Variants in GRAMD1C observed in about 807,000 individuals in gnomAD.
GRAMD1C encodes GRAM domain containing 1C.
A neutral mutation model predicts 97.8 loss-of-function variants in GRAMD1C; 89 were observed. That is an observed-to-expected ratio of 0.91 (90% CI 0.77 to 1.09). The LOEUF is 1.09. GRAMD1C is among the 50% of genes least tolerant of loss of function. GRAMD1C has a pLI of 0.00. For missense variants in GRAMD1C, 740 were observed against 766.4 expected (o/e 0.97, Z 0.41); for synonymous variants, 256 against 267.0 (o/e 0.96, Z 0.40).
At chr3:113,862,958 G>A (rs1480759581) in intron 2 of GRAMD1C, among the ~76,000 whole-genome samples, 2 of 152,156 alleles carry the variant, frequency 1.3e-5, no homozygotes, top group Non-Finnish European at 2.9e-5. Flanking sequence ...TGAGGATGTG[G>A]AGAAGTTAAA....
chr3:113,908,014 C>A (rs1372849190), intron 8 of GRAMD1C, among the ~76,000 whole-genome samples: 1 of 152,114 alleles, frequency 6.6e-6, no homozygotes, highest in East Asian at 1.9e-4. Context: ...GCAATATAAT[C>A]CTTTAATAAA....
chr3:113,942,329 A>ACCCT (rs1383296793), intron 17 of GRAMD1C, among the ~76,000 whole-genome samples: 10 of 151,674 alleles, frequency 6.6e-5, no homozygotes, highest in African/African-American at 2.4e-4. Flanking sequence ...CAAGATCTTC[A>ACCCT]CCCTCGTTTT....
intron 3 of GRAMD1C, among the ~76,000 whole-genome samples, chr3:113,870,252 G>A (rs1380029551): frequency 6.6e-6 from 1 of 151,838 alleles, no homozygotes. Flanking sequence ...AGTCCCAGCT[G>A]CTCAAGAGGC....
intron 3 of GRAMD1C, among the ~76,000 whole-genome samples, chr3:113,872,838 G>A (rs1172196305): frequency 3.3e-5 from 5 of 150,192 alleles, no homozygotes; most frequent in African/African-American, 4.9e-5. Context: ...TTGAGAGGCC[G>A]AGGCGGGCAG....
At chr3:113,872,505 G>A (rs1029636370) in intron 3 of GRAMD1C, among the ~76,000 whole-genome samples, 4 of 146,336 alleles carry the variant, frequency 2.7e-5, no homozygotes, top group African/African-American at 7.7e-5. Context: ...AGTGATTCTC[G>A]TGTCTCAGCC....
At chr3:113,861,810 G>T (rs1056189548) in intron 2 of GRAMD1C, among the ~76,000 whole-genome samples, 3 of 152,150 alleles carry the variant, frequency 2.0e-5, no homozygotes, top group Non-Finnish European at 2.9e-5. Flanking sequence ...TGGGGAACCT[G>T]CCCCCAGTAG....
intron 14 of GRAMD1C, among the ~76,000 whole-genome samples, chr3:113,937,113 T>G (rs1050669138): frequency 2.6e-5 from 4 of 152,234 alleles, no homozygotes; most frequent in African/African-American, 9.6e-5. Flanking sequence ...CCTTATATAC[T>G]GTCAGGGCCA....
intron 2 of GRAMD1C, among the ~76,000 whole-genome samples, chr3:113,865,815 G>T (rs748286307): frequency 6.6e-6 from 1 of 152,032 alleles, no homozygotes; most frequent in Non-Finnish European, 1.5e-5. Context: ...CTTCCAGGGA[G>T]GATTTTCATA....
At chr3:113,867,639 C>T (rs753023301) in intron 2 of GRAMD1C, among the ~76,000 whole-genome samples, 3 of 151,992 alleles carry the variant, frequency 2.0e-5, no homozygotes, top group Admixed American at 6.6e-5. Flanking sequence ...CTGTTCTCTC[C>T]ATTGTTAATG....
chr3:113,848,233 G>A (rs1933701987), intron 2 of GRAMD1C, among the ~76,000 whole-genome samples: 1 of 152,188 alleles, frequency 6.6e-6, no homozygotes, highest in South Asian at 2.1e-4. Context: ...TCTTGAGTAT[G>A]TTGCATAACC....
intron 3 of GRAMD1C, among the ~76,000 whole-genome samples, chr3:113,872,391 CTTTTTTTT>C (rs777339692): frequency 2.6e-5 from 3 of 117,440 alleles, no homozygotes; most frequent in African/African-American, 1.1e-4. Context: ...TCTTTTTTTT[CTTTTTTTT>C]TTTTTTTTTT....
At position 113,879,105 on chromosome 3, in the gene GRAMD1C, G is replaced by A. The variant is rs1032366377; in HGVS notation, c.459+2845G>A. ...CTGTAATCCCAGCTATTCAGGAGGCGGAGGCAAAAGAATCGCTTGAACCCG... is the reference window on the plus strand; with the variant it reads ...CTGTAATCCCAGCTATTCAGGAGGCAGAGGCAAAAGAATCGCTTGAACCCG... On this transcript the variant is annotated intron_variant, in intron 5 of 17. Transcript: ENST00000358160. Among the ~76,000 whole-genome samples, 9 of 151,988 alleles carry A rather than the reference G, an allele frequency of 5.9e-5. No homozygotes were observed. In the South Asian group the frequency reaches 6.2e-4, roughly 11 times the overall value.
Position 113,935,797 on chromosome 3 carries a change from A to G in GRAMD1C, c.1457-469A>G, listed in dbSNP as rs533535888. Among the ~76,000 whole-genome samples the G allele has an allele frequency of 1.1e-4, 16 of 152,306 alleles. No individual in the cohort carries two copies. In the East Asian group the frequency reaches 3.1e-3, roughly 29 times the overall value. ...CTGGCAGAGGAAAAGTTTGAAACAA[A>G]TGACAAAAATGAGGTTTATAGGTTG... On this transcript the variant is annotated intron_variant, in intron 13 of 17. Transcript: ENST00000358160.
chr3:113,932,850 C>T lies in GRAMD1C; in HGVS notation c.1210-661C>T, dbSNP rs571342275. On this transcript the variant is annotated intron_variant, in intron 11 of 17. Transcript: ENST00000358160. ...TCTCCCAAGTAGCTGGGACTACAGG[C>T]GTGTGCCACCAACCCCAACTAATAT... is the stretch of plus-strand genomic sequence containing the variant. 1.7e-4 allele frequency among the ~76,000 whole-genome samples: 25 copies of T among 151,326 alleles called. No individual in the cohort carries two copies. In the South Asian group the frequency reaches 1.7e-3, roughly 10 times the overall value.
At chr3:113,837,130 TTCTC>T (rs1201435336), upstream of GRAMD1C, among the ~76,000 whole-genome samples, 5 of 151,326 alleles carry the variant, frequency 3.3e-5, no homozygotes, top group African/African-American at 4.9e-5. Flanking sequence ...CTCTCTTTCT[TTCTC>T]TCTCTCTGTC....
intron 2 of GRAMD1C, among the ~76,000 whole-genome samples, chr3:113,856,843 ATT>A (rs71144093): frequency 0.31 from 44,289 of 140,718 alleles, 7,323 homozygotes; most frequent in Non-Finnish European, 0.39. Flanking sequence ...CCAGCTGCCT[ATT>A]TTTTTTTTTT....
intron 5 of GRAMD1C, among the ~76,000 whole-genome samples, chr3:113,877,508 G>A (rs1935092452): frequency 6.6e-6 from 1 of 152,076 alleles, no homozygotes; most frequent in South Asian, 2.1e-4. Flanking sequence ...TTATGTCCTT[G>A]ATACTTTTAA....
At chr3:113,890,939 C>T (rs936157586) in intron 6 of GRAMD1C, 1 of 513,904 alleles carries the variant, frequency 1.9e-6, no homozygotes, top group African/African-American at 1.9e-5. Context: ...AGCCAAGAAA[C>T]ACTGCATTTA....
At chr3:113,903,234 A>G (rs1456222622) in intron 7 of GRAMD1C, among the ~76,000 whole-genome samples, 1 of 151,636 alleles carries the variant, frequency 6.6e-6, no homozygotes, top group East Asian at 1.9e-4. Flanking sequence ...CAGCCTCCCA[A>G]AGTGTTGGGA....
Sources: gnomAD v4.1 joint callset for allele counts (sites outside exome capture counted in the v4.1 genomes callset) on GRCh38, gnomAD v4.1.1 for gene constraint, MANE v1.5 for transcripts, NCBI Gene and HGNC (gene_info 2026-07-23, HGNC 2026-07-21) for gene names.